KLRC1: variants seen among roughly 807,000 people sequenced by gnomAD.
KLRC1 encodes NKG2-A/NKG2-B type II integral membrane protein.
In KLRC1, 22 loss-of-function variants were observed where a neutral mutation model predicts 25.9. That is an observed-to-expected ratio of 0.85 (90% confidence interval 0.61 to 1.21). KLRC1 has a LOEUF of 1.21. Ranked by LOEUF, KLRC1 falls within the 50% of genes most tolerant of loss-of-function variation. The pLI is 0.00. For synonymous variants in KLRC1, 77 were observed against 93.1 expected (o/e 0.83, Z 0.99); for missense variants, 240 against 272.2 (o/e 0.88, Z 0.83).
intron 6 of KLRC1, among the ~76,000 whole-genome samples, chr12:10,446,903 G>C (rs1287884741): frequency 6.6e-6 from 1 of 152,156 alleles, no homozygotes; most frequent in Non-Finnish European, 1.5e-5. Context: ...CCTATAGAGA[G>C]ATTATGTTTT....
chr12:10,449,918 C>G lies in KLRC1; in HGVS notation c.333G>C (p.Gln111His). 30 of 1,481,908 alleles carry G rather than the reference C, an allele frequency of 2.0e-5. No homozygotes were observed. Among genetic ancestry groups the G allele is most frequent in the Non-Finnish European group, 2.7e-5 (30 of 1,110,532 alleles). 91.8% of individuals were successfully genotyped at this position (1,481,908 alleles called of 1,614,324 possible). A position where few individuals can be genotyped will look rare whatever the true frequency, so the allele number is the denominator to read the frequency against. The change falls in exon 4 of 7, where the codon CAG becomes CAC. Residue 111 changes from glutamine (Q) to histidine (H), a missense_variant. By Grantham distance (24) the Gln-to-His change is conservative. Transcript: ENST00000359151. ...ACTTTAAAAATTATTATATACCTTTCTGAGTTCTTGTATTCAGGGAAGAAT... is the reference window on the plus strand; with the variant it reads ...ACTTTAAAAATTATTATATACCTTTGTGAGTTCTTGTATTCAGGGAAGAAT... ...HNNSSLNTRT[Q>H]KARHCGHCPE...
downstream of KLRC1, among the ~76,000 whole-genome samples, chr12:10,444,786 T>C (rs1161014884): frequency 6.6e-6 from 1 of 152,034 alleles, no homozygotes; most frequent in Non-Finnish European, 1.5e-5. Context: ...AAAAGAGAAA[T>C]TCTTCCCAAG....
At chr12:10,452,026 TA>T in intron 1 of KLRC1, among the ~76,000 whole-genome samples, 1 of 151,744 alleles carries the variant, frequency 6.6e-6, no homozygotes, top group Non-Finnish European at 1.5e-5. Context: ...AAGAAATTAT[TA>T]AAAATTATTT....
intron 3 of KLRC1, 53 bp downstream of exon 3, chr12:10,450,431 C>G (rs920105684): frequency 1.0e-6 from 1 of 957,544 alleles, no homozygotes; most frequent in African/African-American, 1.6e-5. Flanking sequence ...TTTAGAGGCA[C>G]ATTCAATCAT....
Position 10,449,284 on chromosome 12 carries a change from T to A in KLRC1, c.442A>T (p.Thr148Ser). The A allele has an allele frequency of 1.2e-6, 2 of 1,613,962 alleles. No homozygotes were observed. Among genetic ancestry groups the A allele is most frequent in the Non-Finnish European group, 1.7e-6 (2 of 1,179,920 alleles). The change falls in exon 5 of 7, where the codon ACT becomes TCT. Residue 148 changes from threonine (T) to serine (S), a missense_variant. Transcript: ENST00000359151. ...GAAAGCAGACTGGAGTTCTTCGAAG[T>A]ACAGGCCAGCAAACTCTCTTCCCAA... ...RTWEESLLAC[T>S]SKNSSLLSID...
intron 5 of KLRC1, 88 bp downstream of exon 5, chr12:10,449,149 A>G: frequency 6.6e-7 from 1 of 1,525,426 alleles, no homozygotes; most frequent in Non-Finnish European, 9.0e-7. Context: ...AGCTAAATGT[A>G]TATACCCACA....
upstream of KLRC1, chr12:10,454,478 A>G: frequency 3.7e-6 from 1 of 272,308 alleles, no homozygotes; most frequent in Non-Finnish European, 5.6e-6. Context: ...GGAGGTAGGC[A>G]TATCAACTGT....
At position 10,450,697 on chromosome 12, in the gene KLRC1, C is replaced by T. The variant is rs192513303; in HGVS notation, c.188-118G>A. ...CATACAGAGAAACTTGGACCCCAAA[C>T]CCTCATCTCCCATTGTAATCTTTTT... is the stretch of plus-strand genomic sequence containing the variant. On this transcript the variant is annotated intron_variant, in intron 2 of 6. Coordinates refer to ENST00000359151, the MANE Select transcript of KLRC1 (RefSeq NM_002259.5). 30 of 669,486 alleles carry T rather than the reference C, an allele frequency of 4.5e-5. No individual in the cohort carries two copies. The Admixed American group carries it at 7.0e-4, about 16-fold the overall frequency. The allele number at this position is 669,486 out of a possible 1,614,324, so 41.5% of individuals were successfully genotyped here.
Position 10,449,297 on chromosome 12 carries a change from A to G in KLRC1, c.429T>C (p.Ser143=), listed in dbSNP as rs1864070093. ...IGKERRTWEE[S]LLACTSKNSS... ...AGTTCTTCGAAGTACAGGCCAGCAAACTCTCTTCCCAAGTTCTTCTTTCCT... is the reference window on the plus strand; with the variant it reads ...AGTTCTTCGAAGTACAGGCCAGCAAGCTCTCTTCCCAAGTTCTTCTTTCCT... The change falls in exon 5 of 7, where the codon AGT becomes AGC. Residue 143 remains serine (S), a synonymous_variant. Transcript: ENST00000359151. 6.2e-7 allele frequency: 1 copy of G among 1,613,842 alleles called. No homozygotes were observed. The highest frequency in any genetic ancestry group is 8.5e-7 in the Non-Finnish European group (1 of 1,179,850).
rs920105684 is a variant in KLRC1 at position 10,450,431 on chromosome 12, C to T, written c.283+53G>A. 66 of 957,544 alleles carry T rather than the reference C, an allele frequency of 6.9e-5. No individual in the cohort carries two copies. The Middle Eastern group carries it at 1.7e-3, about 25-fold the overall frequency. The allele number at this position is 957,544 out of a possible 1,614,324, so 59.3% of individuals were successfully genotyped here. On this transcript the variant is annotated intron_variant, in intron 3 of 6. Coordinates refer to ENST00000359151, the MANE Select transcript of KLRC1 (RefSeq NM_002259.5). ...TGAAAATATGAAATGTTTAGAGGCA[C>T]ATTCAATCATTAACGTGAAAATTCC...
upstream of KLRC1, among the ~76,000 whole-genome samples, chr12:10,454,075 A>G (rs749971957): frequency 1.3e-5 from 2 of 152,256 alleles, no homozygotes; most frequent in Non-Finnish European, 1.5e-5. Context: ...GTTGTAAATG[A>G]CAAAAACTGA....
chr12:10,446,932 G>A (rs1348322489), intron 6 of KLRC1, among the ~76,000 whole-genome samples: 1 of 152,140 alleles, frequency 6.6e-6, no homozygotes, highest in Non-Finnish European at 1.5e-5. Flanking sequence ...ATTCATAACT[G>A]TGATAAAATT....
chr12:10,450,054 T>G lies in KLRC1; in HGVS notation c.284-87A>C, dbSNP rs183147469. ...AAGTTTTTGTTTGAATTTTTTTGTATTATTTAGAGTTAGAATAATATGGAA... is the reference window on the plus strand; with the variant it reads ...AAGTTTTTGTTTGAATTTTTTTGTAGTATTTAGAGTTAGAATAATATGGAA... On this transcript the variant is annotated intron_variant, in intron 3 of 6. Coordinates refer to ENST00000359151, the MANE Select transcript of KLRC1 (RefSeq NM_002259.5). 35 of 1,050,580 alleles carry G rather than the reference T, an allele frequency of 3.3e-5. No homozygotes were observed. In the Admixed American group the frequency reaches 1.0e-3, roughly 31 times the overall value. 65.1% of individuals were successfully genotyped at this position (1,050,580 alleles called of 1,614,324 possible).
upstream of KLRC1, among the ~76,000 whole-genome samples, chr12:10,453,875 A>C (rs984704533): frequency 5.3e-5 from 8 of 152,166 alleles, no homozygotes; most frequent in African/African-American, 1.7e-4. Context: ...TTTTGCACTT[A>C]ATTTTTAAAA....
rs1864110557 is a variant in KLRC1, at chr12:10,450,914, G to GT, written c.187+55dup. ...CTCCCTTCTCTTTCCCCACATTCCT[G>GT]TACCCCAAGCTGCACATCCTAGACT... On this transcript the variant is annotated intron_variant, in intron 2 of 6. Transcript: ENST00000359151. 4.6e-6 allele frequency: 6 copies of GT among 1,309,678 alleles called. No homozygotes were observed. In the South Asian group the frequency reaches 8.6e-5, roughly 19 times the overall value. The allele number at this position is 1,309,678 out of a possible 1,614,324, so 81.1% of individuals were successfully genotyped here.
intron 2 of KLRC1, 111 bp from the exon 3 acceptor site, chr12:10,450,690 C>T (rs1202353069): frequency 1.4e-6 from 1 of 704,406 alleles, no homozygotes; most frequent in Non-Finnish European, 2.4e-6. Context: ...GAAACTTGGA[C>T]CCCAAACCCT....
chr12:10,447,747 T>C (rs1354928551), intron 5 of KLRC1, 115 bp from the exon 6 acceptor site: 3 of 798,318 alleles, frequency 3.8e-6, no homozygotes, highest in Non-Finnish European at 5.9e-6. Context: ...TAAATGTTTA[T>C]AATTTTGATA....
At chr12:10,447,403 T>C in intron 6 of KLRC1, 129 bp downstream of exon 6, 1 of 810,250 alleles carries the variant, frequency 1.2e-6, no homozygotes, top group Non-Finnish European at 1.9e-6. Flanking sequence ...AAAATATTTA[T>C]GTCAGCATTT....
chr12:10,450,510 G>A lies in KLRC1; in HGVS notation c.257C>T (p.Ser86Phe), dbSNP rs1388984582. 1.2e-6 allele frequency: 2 copies of A among 1,607,652 alleles called. No individual in the cohort carries two copies. The highest frequency in any genetic ancestry group is 1.7e-6 in the Non-Finnish European group (2 of 1,174,330). Residue 86 changes from serine to phenylalanine, a missense_variant, in exon 3 of 7, where the codon TCT becomes TTT. Physicochemically the swap from Ser to Phe is radical, Grantham distance 155. Transcript: ENST00000359151. ...GGGAATAACAACTATCGTTACCACA[G>A]AGGCCATTAAGATAAGACAGATAAT... ...LGIICLILMA[S>F]VVTIVVIPST... is the part of the protein sequence containing the mutation.
Sources: gnomAD v4.1 joint callset for allele counts (sites outside exome capture counted in the v4.1 genomes callset) on GRCh38, gnomAD v4.1.1 for gene constraint, MANE v1.5 for transcripts, NCBI Gene and HGNC (gene_info 2026-07-23, HGNC 2026-07-21) for gene names.